RTL9: variants seen among roughly 807,000 people sequenced by gnomAD.
The protein encoded by RTL9 is retrotransposon Gag-like protein 9.
Under a neutral mutation model 44.7 loss-of-function variants are expected in RTL9, and 19 were observed. The observed-to-expected ratio is 0.42, with a 90% confidence interval of 0.30 to 0.62. The LOEUF (loss-of-function observed/expected upper bound fraction) is 0.62, where lower values mean the gene tolerates loss of function less well. RTL9 is among the 20% of genes least tolerant of loss of function. The probability of loss-of-function intolerance (pLI) is 0.16; values close to 1 mark genes in which losing one functional copy is unlikely to be tolerated. For missense variants in RTL9, 1,105 were observed against 1,080.6 expected (o/e 1.02, Z -0.32); for synonymous variants, 407 against 398.9 (o/e 1.02, Z -0.24).
chrX:110,410,553 G>A, intron 1 of RTL9, among the ~76,000 whole-genome samples: 1 of 111,931 alleles, frequency 8.9e-6, no homozygotes, highest in Middle Eastern at 4.6e-3. Flanking sequence ...AAAAATTGTT[G>A]TCTCAAGTAG....
In RTL9 at chrX:110,363,470, G is replaced by A. The variant is rs749620618; in HGVS notation, c.-168+4554G>A. On this transcript the variant is annotated intron_variant, in intron 1 of 2. Transcript: ENST00000520821. ...AGGGACCTCCCTATGTGTCATTAAG[G>A]AGTAATGCTCTAAAATGTAATCAGT... Among the ~76,000 whole-genome samples, 11 of 111,977 alleles carry A rather than the reference G, an allele frequency of 9.8e-5. 1 individual carries two copies. The South Asian group carries it at 4.1e-3, about 42-fold the overall frequency.
At chrX:110,370,587 A>T (rs2068331477) in intron 1 of RTL9, among the ~76,000 whole-genome samples, 2 of 112,450 alleles carry the variant, frequency 1.8e-5, no homozygotes, top group South Asian at 7.4e-4. Flanking sequence ...TCTAAAGTTA[A>T]TTACTTAATT....
chrX:110,438,309 G>A (rs370725768), intron 1 of RTL9, among the ~76,000 whole-genome samples: 17 of 111,809 alleles, frequency 1.5e-4, no homozygotes, highest in Admixed American at 1.0e-3. Flanking sequence ...CCTTGGGAGC[G>A]GATGGAGAGA....
At chrX:110,367,973 A>ATTATTATT (rs537050639) in intron 1 of RTL9, among the ~76,000 whole-genome samples, 1 of 85,333 alleles carries the variant, frequency 1.2e-5, no homozygotes, top group African/African-American at 4.3e-5. Flanking sequence ...AGTGCTGGCT[A>ATTATTATT]ATTATTATTA....
At chrX:110,429,466 TTTTTTTTGTTTTGTTTTTTTG>T (rs2068779889) in intron 1 of RTL9, among the ~76,000 whole-genome samples, 1 of 80,260 alleles carries the variant, frequency 1.2e-5, no homozygotes, top group Non-Finnish European at 2.1e-5. Flanking sequence ...GTGTTTTTTT[TTTTTTTTGTTTTGTTTTTTTG>T]GTTTTTTTGT....
At chrX:110,397,806 G>A (rs2068538324) in intron 1 of RTL9, among the ~76,000 whole-genome samples, 2 of 111,820 alleles carry the variant, frequency 1.8e-5, no homozygotes, top group African/African-American at 3.3e-5. Context: ...AATGGACTTG[G>A]GGGGGCAAAC....
intron 1 of RTL9, among the ~76,000 whole-genome samples, chrX:110,443,488 C>T (rs1316593045): frequency 8.9e-6 from 1 of 112,379 alleles, no homozygotes; most frequent in Non-Finnish European, 1.9e-5. Context: ...GTACTGTGTA[C>T]TGTGCTACCT....
intron 1 of RTL9, among the ~76,000 whole-genome samples, chrX:110,402,123 A>G (rs2068569540): frequency 8.9e-6 from 1 of 112,521 alleles, no homozygotes; most frequent in Non-Finnish European, 1.9e-5. Context: ...ATCAAACTGC[A>G]TGACCTGATT....
At chrX:110,445,416 C>G (rs958775586) in intron 2 of RTL9, 148 bp downstream of exon 2, 4 of 112,031 alleles carry the variant, frequency 3.6e-5, no homozygotes. Flanking sequence ...ATAGTAAGCA[C>G]TCAGTAAATG....
chrX:110,454,483 T>C lies in RTL9; in HGVS notation c.3866T>C (p.Ile1289Thr), dbSNP rs2068968674. The stretch of plus-strand genomic sequence containing the variant: ...GCTGTTACCACCAAAATGGGTCGGA[T>C]CTTCCTGAAGGTGGCTGGCAGCCTA... The change falls in exon 1 of 2, where the codon ATC becomes ACC. Residue 1289 changes from isoleucine to threonine, a missense_variant. Physicochemically the swap from Ile to Thr is moderately conservative, Grantham distance 89. Transcript: ENST00000540313. 7 of 1,210,348 alleles carry C rather than the reference T, an allele frequency of 5.8e-6. No homozygotes were observed. The highest frequency in any genetic ancestry group is 2.3e-4 in the Middle Eastern group (1 of 4,370).
exon 2 of RTL9, chrX:110,456,204 T>C: frequency 8.9e-6 from 1 of 112,834 alleles, no homozygotes; most frequent in Non-Finnish European, 1.9e-5. Flanking sequence ...AGTGTTTGCC[T>C]TCAGGTGGTG....
At chrX:110,434,809 G>T (rs2068824390) in intron 1 of RTL9, among the ~76,000 whole-genome samples, 1 of 110,617 alleles carries the variant, frequency 9.0e-6, no homozygotes, top group Non-Finnish European at 1.9e-5. Flanking sequence ...GACCTCAGGG[G>T]ACTGGATGGG....
At chrX:110,429,220 G>A (rs2068776892) in intron 1 of RTL9, among the ~76,000 whole-genome samples, 1 of 110,875 alleles carries the variant, frequency 9.0e-6, no homozygotes, top group South Asian at 3.8e-4. Flanking sequence ...GCTTCTTGAG[G>A]GCAAGGACTC....
intron 1 of RTL9, among the ~76,000 whole-genome samples, chrX:110,368,724 C>T (rs947689330): frequency 4.5e-5 from 5 of 112,017 alleles, no homozygotes; most frequent in African/African-American, 1.6e-4. Flanking sequence ...ATATAAGCTT[C>T]AGGAAGGCAG....
upstream of RTL9, among the ~76,000 whole-genome samples, chrX:110,449,933 G>A (rs748970455): frequency 4.3e-4 from 48 of 112,425 alleles, no homozygotes; most frequent in African/African-American, 1.4e-3. Context: ...CACATACTAC[G>A]TGAAGCAATA....
chrX:110,375,556 G>C (rs771238714), intron 1 of RTL9, among the ~76,000 whole-genome samples: 4 of 108,371 alleles, frequency 3.7e-5, no homozygotes, highest in African/African-American at 1.4e-4. Flanking sequence ...ATGAATGAAT[G>C]AATGAATCAA....
chrX:110,397,946 T>C (rs1328599213), intron 1 of RTL9, among the ~76,000 whole-genome samples: 1 of 112,225 alleles, frequency 8.9e-6, no homozygotes, highest in East Asian at 2.8e-4. Context: ...GAAAGACCCT[T>C]AAGGAAAAGG....
chrX:110,367,185 A>C (rs2068302741), intron 1 of RTL9, among the ~76,000 whole-genome samples: 1 of 111,786 alleles, frequency 8.9e-6, no homozygotes, highest in African/African-American at 3.3e-5. Context: ...CATGGCATCA[A>C]TTTTTCTTTC....
chrX:110,453,031 A>G, exon 1 of RTL9: 1 of 1,209,677 alleles, frequency 8.3e-7, no homozygotes, highest in Non-Finnish European at 1.1e-6. Flanking sequence ...GCTTCTGGAG[A>G]GATAGCCACG....
Sources: gnomAD v4.1 joint callset for allele counts (sites outside exome capture counted in the v4.1 genomes callset) on GRCh38, gnomAD v4.1.1 for gene constraint, MANE v1.5 for transcripts, NCBI Gene and HGNC (gene_info 2026-07-23, HGNC 2026-07-21) for gene names.